CAPN9: variants seen among roughly 807,000 people sequenced by gnomAD.
The protein encoded by CAPN9 is calpain 9, also known as calpain-9.
CAPN9 carries 81 observed loss-of-function variants against 92.8 expected under a neutral mutation model. That is an observed-to-expected ratio of 0.87 (90% CI 0.73 to 1.05). The LOEUF (loss-of-function observed/expected upper bound fraction) is 1.05, where lower values mean the gene tolerates loss of function less well. Among genes scored for constraint, CAPN9 ranks in the 50% least tolerant of loss-of-function variants. CAPN9 has a pLI of 0.00. For missense variants in CAPN9, 848 were observed against 866.2 expected, an observed-to-expected ratio of 0.98 and a Z score of 0.26; for synonymous variants, 304 against 328.0, an observed-to-expected ratio of 0.93 and a Z score of 0.79.
intron 6 of CAPN9, among the ~76,000 whole-genome samples, chr1:230,770,284 G>A (rs748929870): frequency 2.0e-5 from 3 of 152,176 alleles, no homozygotes; most frequent in Admixed American, 6.5e-5. Flanking sequence ...CAGGAGAGAC[G>A]GATGTCCCAG....
intron 6 of CAPN9, among the ~76,000 whole-genome samples, chr1:230,770,378 C>T (rs1666313700): frequency 2.0e-5 from 3 of 151,694 alleles, no homozygotes; most frequent in Admixed American, 2.0e-4. Context: ...AGATGAGGCC[C>T]ACCTACACTG....
At chr1:230,797,740 T>A (rs1668444070) in intron 18 of CAPN9, among the ~76,000 whole-genome samples, 1 of 152,194 alleles carries the variant, frequency 6.6e-6, no homozygotes. Flanking sequence ...CCTGTGCCAC[T>A]CTGTCCTCTG....
rs540099468 is a variant in CAPN9 at position 230,747,552 on chromosome 1, C to A, written c.56C>A (p.Ala19Asp). The A allele has an allele frequency of 8.1e-6, 13 of 1,614,188 alleles. No homozygotes were observed. Among genetic ancestry groups the A allele is most frequent in the African/African-American group, 8.0e-5 (6 of 75,068 alleles). Residue 19 changes from alanine to aspartate, a missense_variant, in exon 1 of 20, where the codon GCC (alanine) becomes GAC (aspartate). Ala to Asp is a moderately radical substitution (Grantham distance 126). Transcript: ENST00000271971. ...GPQAHPVPKD[A>D]RITHSSGQSF... The stretch of plus-strand genomic sequence containing the variant: ...CAGGCACACCCGGTTCCCAAGGACG[C>A]CCGGATCACCCACTCCTCAGGCCAG...
chr1:230,774,885 G>A (rs1666649612), intron 8 of CAPN9, among the ~76,000 whole-genome samples: 2 of 151,822 alleles, frequency 1.3e-5, no homozygotes, highest in African/African-American at 4.8e-5. Context: ...GAGAGTACAG[G>A]CATGCGCCAC....
At chr1:230,759,674 C>T (rs367692590) in intron 3 of CAPN9, 44 bp downstream of exon 3, 105 of 1,281,906 alleles carry the variant, frequency 8.2e-5, no homozygotes, top group African/African-American at 2.7e-4. Flanking sequence ...CTCTGGGGCC[C>T]GGCATGAGGG....
chr1:230,774,739 C>CA, intron 8 of CAPN9, 108 bp downstream of exon 8: 2 of 385,288 alleles, frequency 5.2e-6, no homozygotes, highest in Non-Finnish European at 9.2e-6. Context: ...TTCTTTCTTT[C>CA]TTTTTTTTTT....
chr1:230,778,178 G>A (rs545732396), intron 8 of CAPN9, among the ~76,000 whole-genome samples: 1 of 152,162 alleles, frequency 6.6e-6, no homozygotes, highest in African/African-American at 2.4e-5. Flanking sequence ...CAAACATCCT[G>A]ATTCCTTTCA....
At chr1:230,782,155 C>A (rs1667269578) in intron 11 of CAPN9, among the ~76,000 whole-genome samples, 1 of 152,180 alleles carries the variant, frequency 6.6e-6, no homozygotes, top group African/African-American at 2.4e-5. Context: ...CACTGACATG[C>A]ATAAGGTGAC....
At chr1:230,747,900 G>C (rs796401043) in intron 1 of CAPN9, among the ~76,000 whole-genome samples, 191 bp downstream of exon 1, 1 of 152,130 alleles carries the variant, frequency 6.6e-6, no homozygotes, top group Non-Finnish European at 1.5e-5. Context: ...GATGCTCTGC[G>C]GTGGGGACCC....
intron 4 of CAPN9, among the ~76,000 whole-genome samples, chr1:230,766,398 T>C (rs1665987475): frequency 6.6e-6 from 1 of 152,258 alleles, no homozygotes; most frequent in Non-Finnish European, 1.5e-5. Flanking sequence ...ATCAGGGTAA[T>C]TGAGATACTT....
intron 1 of CAPN9, among the ~76,000 whole-genome samples, chr1:230,751,615 GAAAGAAAGAAAGAA>G (rs1558079654): frequency 3.0e-5 from 1 of 33,672 alleles, no homozygotes; most frequent in Non-Finnish European, 5.5e-5. Context: ...GAAAGAGAAA[GAAAGAAAGAAAGAA>G]AGAAAGAAAG....
chr1:230,755,764 C>T (rs1465053671), intron 2 of CAPN9, among the ~76,000 whole-genome samples: 2 of 152,172 alleles, frequency 1.3e-5, no homozygotes, highest in Non-Finnish European at 2.9e-5. Flanking sequence ...TGCCTCATTC[C>T]ATCTTCACAA....
intron 1 of CAPN9, among the ~76,000 whole-genome samples, chr1:230,751,585 CAAAGAAAGAAAGAAAGAAAGAAAGA>C (rs1664783316): frequency 1.7e-5 from 1 of 57,410 alleles, no homozygotes; most frequent in Admixed American, 2.0e-4. Flanking sequence ...AAGAAAGAAA[CAAAGAAAGAAAGAAAGAAAGAAAGA>C]GAAAGAAAGA....
At chr1:230,797,955 C>T (rs926259791) in intron 18 of CAPN9, among the ~76,000 whole-genome samples, 3 of 152,176 alleles carry the variant, frequency 2.0e-5, no homozygotes, top group Non-Finnish European at 2.9e-5. Flanking sequence ...TGCTACAGGA[C>T]TGGATGCCTC....
At chr1:230,759,740 G>A (rs1665515333) in intron 3 of CAPN9, 110 bp downstream of exon 3, 2 of 656,598 alleles carry the variant, frequency 3.0e-6, no homozygotes, top group East Asian at 2.8e-5. Context: ...TCAGATCTGT[G>A]TGACATATGG....
chr1:230,782,955 T>C (rs1380650905), intron 11 of CAPN9, among the ~76,000 whole-genome samples: 3 of 152,128 alleles, frequency 2.0e-5, no homozygotes, highest in Non-Finnish European at 2.9e-5. Flanking sequence ...AGGCAGAGGT[T>C]GCAGTGAGCC....
chr1:230,789,527 ACT>A (rs1667841178), intron 13 of CAPN9, among the ~76,000 whole-genome samples: 1 of 146,402 alleles, frequency 6.8e-6, no homozygotes, highest in African/African-American at 2.5e-5. Context: ...AAGGTCTGAG[ACT>A]CTCCATTTCT....
At chr1:230,753,541 G>A (rs1664988769) in intron 1 of CAPN9, among the ~76,000 whole-genome samples, 1 of 152,168 alleles carries the variant, frequency 6.6e-6, no homozygotes, top group East Asian at 1.9e-4. Context: ...GACACAAGAT[G>A]AGAGGAGAAG....
intron 19 of CAPN9, among the ~76,000 whole-genome samples, chr1:230,798,803 C>G (rs1668509261): frequency 6.6e-6 from 1 of 152,204 alleles, no homozygotes; most frequent in Non-Finnish European, 1.5e-5. Context: ...CATGGGCCAG[C>G]AGCAGCATAG....
Sources: allele counts gnomAD v4.1 joint callset (sites outside exome capture counted in the v4.1 genomes callset), GRCh38; gene constraint gnomAD v4.1.1; transcripts MANE v1.5; gene names NCBI Gene and HGNC (gene_info 2026-07-23, HGNC 2026-07-21).